Variants in MAP2 observed in about 807,000 individuals in gnomAD.
MAP2 encodes the protein microtubule-associated protein 2.
MAP2 carries 14 observed loss-of-function variants against 137.6 expected under a neutral mutation model. That is an observed-to-expected ratio of 0.10 (90% CI 0.07 to 0.16). MAP2 has a LOEUF of 0.16. Among genes scored for constraint, MAP2 ranks in the 10% least tolerant of loss-of-function variants. The pLI is 1.00. For missense variants in MAP2, 2,088 were observed against 2,191.5 expected (o/e 0.95, Z 0.94); for synonymous variants, 786 against 782.3 (o/e 1.00, Z -0.08).
intron 2 of MAP2, among the ~76,000 whole-genome samples, chr2:209,514,161 T>A (rs966151771): frequency 1.3e-5 from 2 of 151,820 alleles, no homozygotes; most frequent in Non-Finnish European, 2.9e-5. Flanking sequence ...AATCTAATCA[T>A]TAGAATCCTG....
chr2:209,595,689 C>T (rs1416804629), intron 3 of MAP2, among the ~76,000 whole-genome samples: 3 of 152,128 alleles, frequency 2.0e-5, no homozygotes, highest in African/African-American at 4.8e-5. Flanking sequence ...TTCACGATAG[C>T]AAAACCTTGG....
intron 5 of MAP2, among the ~76,000 whole-genome samples, chr2:209,657,922 C>T (rs183962015): frequency 6.6e-5 from 10 of 152,254 alleles, no homozygotes; most frequent in South Asian, 2.1e-4. Flanking sequence ...GTTAAAGCAT[C>T]ATTTTAAAAT....
chr2:209,678,550 A>AT, intron 5 of MAP2, 22 bp from the exon 6 acceptor site: 1 of 1,253,406 alleles, frequency 8.0e-7, no homozygotes, highest in Non-Finnish European at 1.1e-6. Context: ...GTTATATTTT[A>AT]TTTTGTTACT....
chr2:209,601,366 A>T (rs1459098146), intron 3 of MAP2, among the ~76,000 whole-genome samples: 1 of 152,116 alleles, frequency 6.6e-6, no homozygotes, highest in African/African-American at 2.4e-5. Context: ...TACATCTTAC[A>T]TAAAAATAAA....
intron 4 of MAP2, among the ~76,000 whole-genome samples, chr2:209,644,673 A>G (rs1452452887): frequency 1.3e-4 from 16 of 125,512 alleles, no homozygotes; most frequent in Admixed American, 8.9e-4. Context: ...CCTGTCTCAA[A>G]AAAAAAAAAA....
intron 13 of MAP2, among the ~76,000 whole-genome samples, chr2:209,711,051 T>C (rs2065282426): frequency 6.6e-6 from 1 of 152,202 alleles, no homozygotes; most frequent in Admixed American, 6.5e-5. Flanking sequence ...ATAATATTGA[T>C]CTATTCAGGA....
intron 1 of MAP2, among the ~76,000 whole-genome samples, chr2:209,441,505 C>T (rs1362883434): frequency 6.6e-6 from 1 of 151,498 alleles, no homozygotes; most frequent in Non-Finnish European, 1.5e-5. Flanking sequence ...AGGAGGTATC[C>T]CCAAAGGATT....
chr2:209,601,283 CT>C (rs1252724586), intron 3 of MAP2, among the ~76,000 whole-genome samples: 3 of 151,554 alleles, frequency 2.0e-5, no homozygotes, highest in African/African-American at 4.8e-5. Flanking sequence ...ATTCTTTTTT[CT>C]TTTTTTCAAG....
intron 1 of MAP2, among the ~76,000 whole-genome samples, chr2:209,488,432 A>G (rs913721267): frequency 1.3e-5 from 2 of 152,096 alleles, no homozygotes; most frequent in African/African-American, 4.8e-5. Context: ...GGCCAGTGAG[A>G]CAGAACCATT....
intron 5 of MAP2, among the ~76,000 whole-genome samples, chr2:209,674,272 C>G (rs2050225757): frequency 6.6e-6 from 1 of 151,664 alleles, no homozygotes; most frequent in African/African-American, 2.4e-5. Context: ...GTAGAAGACT[C>G]AGAAAAATAC....
At position 209,692,840 on chromosome 2, in the gene MAP2, G is replaced by C. The variant is rs2059303237; in HGVS notation, c.670G>C (p.Ala224Pro). The C allele has an allele frequency of 6.2e-7, 1 of 1,612,906 alleles. No individual in the cohort carries two copies. The highest frequency in any genetic ancestry group is 1.3e-5 in the African/African-American group (1 of 74,720). ...QGTEEEKAPLALFGHTLVASL... is the reference protein window; with the variant it reads ...QGTEEEKAPLPLFGHTLVASL... Reference sequence around the variant, plus strand: ...CACGGAAGAAGAAAAAGCACCCCTAGCTTTGTTTGGGCACACTCTTGTTGC... The same window carrying C: ...CACGGAAGAAGAAAAAGCACCCCTACCTTTGTTTGGGCACACTCTTGTTGC... The change falls in exon 8 of 16, where the codon GCT becomes CCT. Residue 224 changes from alanine to proline, a missense_variant. Ala to Pro is a conservative substitution (Grantham distance 27). Transcript: ENST00000682079.
intron 1 of MAP2, among the ~76,000 whole-genome samples, chr2:209,495,808 T>G (rs1293506073): frequency 6.6e-6 from 1 of 152,212 alleles, no homozygotes; most frequent in African/African-American, 2.4e-5. Context: ...TTCCTATAAT[T>G]GTTGTTTTGT....
At chr2:209,574,594 C>T (rs533857213) in intron 2 of MAP2, among the ~76,000 whole-genome samples, 1 of 152,154 alleles carries the variant, frequency 6.6e-6, no homozygotes, top group Non-Finnish European at 1.5e-5. Flanking sequence ...TACCCAATCC[C>T]GCATCCATGT....
intron 4 of MAP2, among the ~76,000 whole-genome samples, chr2:209,629,110 A>G (rs781267787): frequency 6.6e-6 from 1 of 152,236 alleles, no homozygotes; most frequent in Non-Finnish European, 1.5e-5. Context: ...AGAAAGAAAA[A>G]TGCACATAGA....
chr2:209,689,077 T>A (rs2058069636), intron 7 of MAP2, among the ~76,000 whole-genome samples: 1 of 152,138 alleles, frequency 6.6e-6, no homozygotes, highest in Non-Finnish European at 1.5e-5. Flanking sequence ...GCTACATGGA[T>A]TTGAAAACAT....
rs2054853932 is a variant in MAP2, at chr2:209,682,123, G to C, written c.454+1296G>C. On this transcript the variant is annotated intron_variant, in intron 7 of 15. Transcript: ENST00000682079. The stretch of plus-strand genomic sequence containing the variant: ...TGACCTTATGTTTATCCATTCACTG[G>C]GCACATATTTATTGAGCCCTACAGT... Among the ~76,000 whole-genome samples, 2 of 151,962 alleles carry C rather than the reference G, an allele frequency of 1.3e-5. 1 individual carries two copies. The highest frequency in any genetic ancestry group is 1.3e-4 in the Admixed American group (2 of 15,228).
At chr2:209,614,366 A>T (rs889937792) in intron 3 of MAP2, among the ~76,000 whole-genome samples, 2 of 152,014 alleles carry the variant, frequency 1.3e-5, no homozygotes, top group Admixed American at 1.3e-4. Context: ...TTTGCCTCCT[A>T]TTTATAGGGA....
Position 209,710,262 on chromosome 2 carries a change from T to C in MAP2, c.5073+8T>C, listed in dbSNP as rs775627141. On this transcript the variant is annotated splice_region_variant and intron_variant, in intron 13 of 15. Coordinates refer to ENST00000682079, the MANE Select transcript of MAP2 (RefSeq NM_001375505.1). ...CAGCCTAAAGGGGGGCAGGTAAGAA[T>C]TGCATGAACACATATTTGCTGCCAG... 7.7e-6 allele frequency: 12 copies of C among 1,552,236 alleles called. No homozygotes were observed. The South Asian group carries it at 1.3e-4, about 17-fold the overall frequency.
chr2:209,676,608 C>A (rs946563954), intron 5 of MAP2, among the ~76,000 whole-genome samples: 1 of 150,790 alleles, frequency 6.6e-6, no homozygotes, highest in Non-Finnish European at 1.5e-5. Flanking sequence ...GGAGATAAGC[C>A]ATGTGAACCA....
Sources: gnomAD v4.1 joint callset for allele counts (sites outside exome capture counted in the v4.1 genomes callset) on GRCh38, gnomAD v4.1.1 for gene constraint, MANE v1.5 for transcripts, NCBI Gene and HGNC (gene_info 2026-07-23, HGNC 2026-07-21) for gene names.